IKBIP: variants seen among roughly 807,000 people sequenced by gnomAD.
The protein encoded by IKBIP is IKBKB interacting protein.
Under a neutral mutation model 31.0 loss-of-function variants are expected in IKBIP, and 28 were observed. The observed-to-expected ratio is 0.90, with a 90% CI of 0.67 to 1.24. IKBIP has a LOEUF of 1.24. IKBIP is among the 50% of genes most tolerant of loss of function. IKBIP has a pLI of 0.00. For synonymous variants in IKBIP, 164 were observed against 160.3 expected (o/e 1.02, Z -0.17); for missense variants, 453 against 441.9 (o/e 1.03, Z -0.23).
chr12:98,634,532 A>G, intron 1 of IKBIP, 119 bp from the exon 2 acceptor site: 1 of 420,198 alleles, frequency 2.4e-6, no homozygotes, highest in Non-Finnish European at 4.3e-6. Flanking sequence ...GGGTAGCTGT[A>G]GGTTTTTTTT....
chr12:98,613,844 C>T, exon 3 of IKBIP: 2 of 1,612,584 alleles, frequency 1.2e-6, no homozygotes, highest in East Asian at 2.2e-5. Context: ...GGCTCTGTCA[C>T]CTTCTAAGCT....
At chr12:98,623,405 T>C (rs2097611580), downstream of IKBIP, among the ~76,000 whole-genome samples, 1 of 149,620 alleles carries the variant, frequency 6.7e-6, no homozygotes, top group Non-Finnish European at 1.5e-5. Context: ...ACTACAGGGA[T>C]GCGCTTTTTT....
chr12:98,626,180 TTTTCTG>T lies in IKBIP; in HGVS notation c.878_883del (p.Thr293_Glu294del), dbSNP rs759042930. ...CTGCATAGTCAAGTCTTCCATTTTC[TTTTCTG>T]TTTCTATCAGATCCTGAGAGACTCT... is the stretch of plus-strand genomic sequence containing the variant. On this transcript the variant is annotated inframe_deletion, in exon 3 of 3. Transcript: ENST00000299157. 5.0e-6 allele frequency: 8 copies of T among 1,613,684 alleles called. No individual in the cohort carries two copies. The African/African-American group carries it at 8.0e-5, about 16-fold the overall frequency.
chr12:98,617,673 G>T (rs1483157428), intron 2 of IKBIP, among the ~76,000 whole-genome samples: 5 of 152,136 alleles, frequency 3.3e-5, no homozygotes, highest in African/African-American at 1.2e-4. Context: ...AGACTATTTA[G>T]CTTCAATCAG....
intron 1 of IKBIP, among the ~76,000 whole-genome samples, chr12:98,635,645 G>A (rs1050193167): frequency 6.6e-6 from 1 of 152,166 alleles, no homozygotes; most frequent in African/African-American, 2.4e-5. Context: ...TAGAAAATAG[G>A]TGTTTTTATG....
chr12:98,627,743 T>TGG (rs1659201966), intron 2 of IKBIP, among the ~76,000 whole-genome samples: 1 of 151,588 alleles, frequency 6.6e-6, no homozygotes, highest in Non-Finnish European at 1.5e-5. Flanking sequence ...CAGCCCTCGA[T>TGG]GTCATTTTTA....
chr12:98,641,627 T>G (rs1213507462), intron 1 of IKBIP, among the ~76,000 whole-genome samples: 2 of 152,122 alleles, frequency 1.3e-5, no homozygotes, highest in African/African-American at 4.8e-5. Flanking sequence ...TAAATAATAA[T>G]TATAGAATCT....
At chr12:98,622,000 C>T (rs931918388), downstream of IKBIP, among the ~76,000 whole-genome samples, 10 of 151,440 alleles carry the variant, frequency 6.6e-5, no homozygotes, top group Non-Finnish European at 1.0e-4. Flanking sequence ...CGCTTGAACC[C>T]GGGAGGTGGA....
intron 2 of IKBIP, among the ~76,000 whole-genome samples, chr12:98,633,510 C>CTTTTTTTTTTTTTTTTTTTT (rs71432181): frequency 1.6e-3 from 101 of 61,406 alleles, no homozygotes; most frequent in East Asian, 3.0e-3. Context: ...TTTTTTAATT[C>CTTTTTTTTTTTTTTTTTTTT]TTTTTTTTTT....
exon 3 of IKBIP, chr12:98,614,007 C>T (rs141230563): frequency 6.2e-7 from 1 of 1,609,722 alleles, no homozygotes; most frequent in East Asian, 2.2e-5. Flanking sequence ...ATATTTTTTA[C>T]TGTATTTTTT....
downstream of IKBIP, among the ~76,000 whole-genome samples, chr12:98,619,873 GAAAAAAAA>G (rs562387976): frequency 8.4e-4 from 58 of 68,992 alleles, no homozygotes; most frequent in Non-Finnish European, 1.4e-3. Context: ...CCCTTTCTCA[GAAAAAAAA>G]AAAAAAAAAA....
Position 98,625,293 on chromosome 12 carries a change from C to A in IKBIP, c.*637G>T. The A allele has an allele frequency of 1.0e-6, 1 of 983,582 alleles. No individual in the cohort carries two copies. The highest frequency in any genetic ancestry group is 1.2e-6 in the Non-Finnish European group (1 of 828,286). The allele number at this position is 983,582 out of a possible 1,614,324, so 60.9% of individuals were successfully genotyped here. A position where few individuals can be genotyped will look rare whatever the true frequency, so the allele number is the denominator to read the frequency against. On this transcript the variant is annotated 3_prime_UTR_variant, in exon 3 of 3. Coordinates refer to ENST00000299157, the MANE Select transcript of IKBIP (RefSeq NM_153687.4). ...CAAGTATCTGTAACACAGTTTAGAA[C>A]CTTAACAAAAACTAAAATGTTTCCC...
intron 2 of IKBIP, among the ~76,000 whole-genome samples, chr12:98,617,893 G>A (rs1019643878): frequency 3.9e-5 from 6 of 152,202 alleles, no homozygotes; most frequent in African/African-American, 1.4e-4. Context: ...AAAGTACTAT[G>A]TTGTAAAGTA....
downstream of IKBIP, among the ~76,000 whole-genome samples, chr12:98,621,986 G>A (rs1439650520): frequency 1.3e-5 from 2 of 151,446 alleles, no homozygotes; most frequent in Non-Finnish European, 2.9e-5. Context: ...TGAGGCAGGA[G>A]AACCGCTTGA....
chr12:98,634,952 A>C (rs1414402612), intron 1 of IKBIP, among the ~76,000 whole-genome samples: 10 of 149,362 alleles, frequency 6.7e-5, no homozygotes, highest in African/African-American at 2.5e-4. Context: ...CTTGTGATCC[A>C]CCTGCCTTGG....
In IKBIP at chr12:98,635,008, A is replaced by AT. The variant is rs72490022; in HGVS notation, c.180-596dup. Among the ~76,000 whole-genome samples, 695 of 84,326 alleles carry AT rather than the reference A, an allele frequency of 8.2e-3. 4 individuals carry two copies. The highest frequency in any genetic ancestry group is 0.012 in the Non-Finnish European group (494 of 40,844). The allele number at this position is 84,326 out of a possible 152,430, so 55.3% of individuals were successfully genotyped here. On this transcript the variant is annotated intron_variant, in intron 1 of 2. Transcript: ENST00000299157. Reference sequence around the variant, plus strand: ...ACAGGCGTGAGCCACCACGCCCGGTATTTTTTTTTTTTTTTAGATGGAGTT... The same window carrying AT: ...ACAGGCGTGAGCCACCACGCCCGGTATTTTTTTTTTTTTTTTAGATGGAGTT...
intron 1 of IKBIP, among the ~76,000 whole-genome samples, chr12:98,636,735 T>C (rs1378016092): frequency 6.6e-6 from 1 of 152,138 alleles, no homozygotes; most frequent in Non-Finnish European, 1.5e-5. Context: ...TTCTCTGAGA[T>C]GGAAGGGTGA....
In IKBIP at chr12:98,644,612, G is replaced by T. The variant is rs765309528; in HGVS notation, c.90C>A (p.Pro30=). The change falls in exon 1 of 3, where the codon CCC becomes CCA. Residue 30 remains proline, a synonymous_variant. Transcript: ENST00000299157. ...PGKRSEGGKT[P]VARSSGGGGW... ...CCCCGCCTCCGCTGCTCCGGGCCAC[G>T]GGGGTCTTCCCGCCCTCGCTCCGCT... 1 of 1,610,302 alleles carries T rather than the reference G, an allele frequency of 6.2e-7. No individual in the cohort carries two copies. Among genetic ancestry groups the T allele is most frequent in the Admixed American group, 1.7e-5 (1 of 59,608 alleles).
At chr12:98,634,970 A>G (rs140649499) in intron 1 of IKBIP, among the ~76,000 whole-genome samples, 3,813 of 150,090 alleles carry the variant, frequency 0.025, 149 homozygotes, top group African/African-American at 0.086. Flanking sequence ...TGGCCTCCCA[A>G]AGTGCTGGGA....
Sources: allele counts gnomAD v4.1 joint callset (sites outside exome capture counted in the v4.1 genomes callset), GRCh38; gene constraint gnomAD v4.1.1; transcripts MANE v1.5; gene names NCBI Gene and HGNC (gene_info 2026-07-23, HGNC 2026-07-21).